The following P4HA1 variants were observed in gnomAD, a reference collection of about 807,000 sequenced individuals.
P4HA1 encodes prolyl 4-hydroxylase subunit alpha-1.
In P4HA1, 24 loss-of-function variants were observed where a neutral mutation model predicts 72.8. That is an observed-to-expected ratio of 0.33 (90% CI 0.24 to 0.46). The LOEUF is 0.46. P4HA1 is among the 20% of genes least tolerant of loss of function. The probability of loss-of-function intolerance (pLI) is 1.00; values close to 1 mark genes in which losing one functional copy is unlikely to be tolerated. For synonymous variants in P4HA1, 201 were observed against 218.8 expected (o/e 0.92, Z 0.72); for missense variants, 446 against 640.6 (o/e 0.70, Z 3.28).
chr10:73,047,363 C>T (rs1330944753), intron 7 of P4HA1, among the ~76,000 whole-genome samples: 3 of 151,646 alleles, frequency 2.0e-5, no homozygotes, highest in Non-Finnish European at 4.4e-5. Context: ...TTTAACCCTT[C>T]ACTCATCAAA....
intron 6 of P4HA1, among the ~76,000 whole-genome samples, chr10:73,051,701 G>A (rs1841024161): frequency 6.6e-6 from 1 of 152,182 alleles, no homozygotes; most frequent in African/African-American, 2.4e-5. Context: ...GGGGGTTGCA[G>A]TGAGCCGAGA....
rs34845894 is a variant in P4HA1 at position 73,009,826 on chromosome 10, C to T, written c.1515G>A (p.Val505=). The change falls in exon 14 of 15, where the codon GTG becomes GTA. Residue 505 remains valine, a synonymous_variant. Transcript: ENST00000394890. ...ATTTACCCCATTTGTTGCCAACTAG[C>T]ACTGGACAGGCTGCATGCCGTGTAC... The part of the protein sequence containing the change: ...DYSTRHAACP[V]LVGNKWVSNK... The T allele has an allele frequency of 1.9e-4, 300 of 1,599,432 alleles. No homozygotes were observed. In the African/African-American group the frequency reaches 3.3e-3, roughly 18 times the overall value.
intron 9 of P4HA1, among the ~76,000 whole-genome samples, chr10:73,032,784 G>C (rs895267465): frequency 1.1e-4 from 17 of 152,192 alleles, no homozygotes; most frequent in Admixed American, 2.6e-4. Context: ...AAGCGTAAGA[G>C]AGAGAGCAAG....
Position 73,093,442 on chromosome 10 carries a change from C to T in P4HA1, c.-33+3324G>A, listed in dbSNP as rs188604704. ...CCTAAATGAGAGTCCTTTTGAATTG[C>T]CAAAGCTTTTCTTTAGGTACAATAC... is the stretch of plus-strand genomic sequence containing the variant. On this transcript the variant is annotated intron_variant, in intron 1 of 14. Coordinates refer to ENST00000394890, the MANE Select transcript of P4HA1 (RefSeq NM_001017962.3). 1.8e-3 allele frequency among the ~76,000 whole-genome samples: 271 copies of T among 152,088 alleles called. 3 individuals carry two copies. Among genetic ancestry groups the T allele is most frequent in the African/African-American group, 6.2e-3 (257 of 41,452 alleles).
At chr10:73,045,833 T>A (rs566975776) in intron 8 of P4HA1, among the ~76,000 whole-genome samples, 1 of 150,898 alleles carries the variant, frequency 6.6e-6, no homozygotes, top group East Asian at 1.9e-4. Flanking sequence ...TATATATTAA[T>A]GTTAGACCAG....
At chr10:73,084,936 T>C (rs1841895574) in intron 1 of P4HA1, among the ~76,000 whole-genome samples, 1 of 152,060 alleles carries the variant, frequency 6.6e-6, no homozygotes, top group African/African-American at 2.4e-5. Context: ...GCTCAAGAGT[T>C]CGAGACCAGC....
At chr10:73,023,830 G>A (rs992243832) in intron 10 of P4HA1, among the ~76,000 whole-genome samples, 26 of 150,178 alleles carry the variant, frequency 1.7e-4, no homozygotes, top group African/African-American at 1.7e-4. Context: ...AAAAAGCAGC[G>A]GCTGCAATCC....
intron 6 of P4HA1, among the ~76,000 whole-genome samples, chr10:73,051,594 T>C (rs1178918440): frequency 1.3e-5 from 2 of 152,092 alleles, no homozygotes; most frequent in Non-Finnish European, 2.9e-5. Flanking sequence ...ACCTCGTCTC[T>C]ACTAAAAATA....
intron 5 of P4HA1, among the ~76,000 whole-genome samples, chr10:73,060,076 C>CTTTAAT (rs1278349265): frequency 6.6e-6 from 1 of 152,010 alleles, no homozygotes; most frequent in Non-Finnish European, 1.5e-5. Context: ...AATGAATTAC[C>CTTTAAT]TCAGATGTCT....
rs138320977 is a variant in P4HA1, at chr10:73,093,000, C to T, written c.-33+3766G>A. On this transcript the variant is annotated intron_variant, in intron 1 of 14. Coordinates refer to ENST00000394890, the MANE Select transcript of P4HA1 (RefSeq NM_001017962.3). Reference sequence around the variant, plus strand: ...TAGACATGGTGGCATGCATCTGTACCCCGAGCTACACCCGGAGGCTGAGGC... The same window carrying T: ...TAGACATGGTGGCATGCATCTGTACTCCGAGCTACACCCGGAGGCTGAGGC... Among the ~76,000 whole-genome samples, 18 of 151,546 alleles carry T rather than the reference C, an allele frequency of 1.2e-4. No individual in the cohort carries two copies. The East Asian group carries it at 3.5e-3, about 29-fold the overall frequency.
At chr10:73,029,534 T>C (rs1423366595) in intron 10 of P4HA1, among the ~76,000 whole-genome samples, 2 of 150,140 alleles carry the variant, frequency 1.3e-5, no homozygotes, top group African/African-American at 4.9e-5. Flanking sequence ...GGAACTCAAA[T>C]ATTTTAAAAA....
At chr10:73,049,115 T>G (rs1840948016) in intron 7 of P4HA1, among the ~76,000 whole-genome samples, 1 of 125,434 alleles carries the variant, frequency 8.0e-6, no homozygotes. Flanking sequence ...AGACTCCGTC[T>G]CAGAGAAAAA....
At chr10:73,071,099 T>C (rs1201902913) in intron 4 of P4HA1, among the ~76,000 whole-genome samples, 2 of 151,742 alleles carry the variant, frequency 1.3e-5, no homozygotes, top group East Asian at 1.9e-4. Flanking sequence ...GGTGGGAGGA[T>C]TGCTTGAGCC....
At chr10:73,035,643 A>G (rs1214059096) in intron 9 of P4HA1, among the ~76,000 whole-genome samples, 2 of 152,244 alleles carry the variant, frequency 1.3e-5, no homozygotes, top group African/African-American at 4.8e-5. Context: ...ATATTGTAAC[A>G]AAATGCTATA....
intron 10 of P4HA1, among the ~76,000 whole-genome samples, chr10:73,020,136 T>A (rs1840100335): frequency 6.6e-6 from 1 of 151,806 alleles, no homozygotes; most frequent in African/African-American, 2.4e-5. Flanking sequence ...AATAAAGAAT[T>A]CTAGAAACAG....
intron 1 of P4HA1, among the ~76,000 whole-genome samples, chr10:73,075,730 A>T (rs1226431807): frequency 7.2e-6 from 1 of 139,734 alleles, no homozygotes; most frequent in Non-Finnish European, 1.5e-5. Flanking sequence ...TATATATTTT[A>T]TATATATATA....
At chr10:73,018,873 G>A (rs1018434826) in intron 10 of P4HA1, among the ~76,000 whole-genome samples, 5 of 151,978 alleles carry the variant, frequency 3.3e-5, no homozygotes, top group Non-Finnish European at 5.9e-5. Flanking sequence ...TGGCACTATA[G>A]GCAACCTACA....
At chr10:73,031,011 G>C (rs559249275) in intron 9 of P4HA1, among the ~76,000 whole-genome samples, 80 of 152,120 alleles carry the variant, frequency 5.3e-4, no homozygotes, top group African/African-American at 1.8e-3. Flanking sequence ...TTTACTTCTA[G>C]GTATATATCC....
intron 10 of P4HA1, among the ~76,000 whole-genome samples, chr10:73,018,835 C>A (rs1350228568): frequency 1.3e-5 from 2 of 152,100 alleles, no homozygotes; most frequent in Non-Finnish European, 2.9e-5. Context: ...TCCCAAGCAG[C>A]TAGAGGGTGC....
Sources: allele counts gnomAD v4.1 joint callset (sites outside exome capture counted in the v4.1 genomes callset), GRCh38; gene constraint gnomAD v4.1.1; transcripts MANE v1.5; gene names NCBI Gene and HGNC (gene_info 2026-07-23, HGNC 2026-07-21).